Variants in MRPL50 observed in about 807,000 individuals in gnomAD.
The protein encoded by MRPL50 is mitochondrial ribosomal protein L50, also known as large ribosomal subunit protein mL50.
MRPL50 carries 10 observed loss-of-function variants against 16.2 expected under a neutral mutation model. The ratio of observed to expected loss-of-function variants is 0.62; its 90% confidence interval spans 0.38 to 1.05. The LOEUF is 1.05. MRPL50 is among the 50% of genes least tolerant of loss of function. MRPL50 has a pLI of 0.01. For missense variants in MRPL50, 213 were observed against 187.1 expected (o/e 1.14, Z -0.81); for synonymous variants, 68 against 66.8 (o/e 1.02, Z -0.09).
rs947519283 is a variant in MRPL50 at position 101,389,625 on chromosome 9, A to T, written c.*841T>A. 3 of 451,052 alleles carry T rather than the reference A, an allele frequency of 6.7e-6. No homozygotes were observed. Among genetic ancestry groups the T allele is most frequent in the Non-Finnish European group, 1.0e-5 (3 of 293,388 alleles). The allele number at this position is 451,052 out of a possible 1,614,324, so 27.9% of individuals were successfully genotyped here. ...CCAGCCATATCTAAAGCTTGAAAAAAAAATCCCAAATTTAACACCTTTGTC... is the reference window on the plus strand; with the variant it reads ...CCAGCCATATCTAAAGCTTGAAAAATAAATCCCAAATTTAACACCTTTGTC... On this transcript the variant is annotated 3_prime_UTR_variant, in exon 2 of 2. Transcript: ENST00000374865.
At chr9:101,397,067 A>G (rs1180890640) in intron 1 of MRPL50, among the ~76,000 whole-genome samples, 1 of 152,250 alleles carries the variant, frequency 6.6e-6, no homozygotes, top group East Asian at 1.9e-4. Context: ...AATAAGTTCC[A>G]GAGATCTAAT....
At chr9:101,395,313 G>A (rs911671754) in intron 1 of MRPL50, among the ~76,000 whole-genome samples, 1 of 152,130 alleles carries the variant, frequency 6.6e-6, no homozygotes, top group Admixed American at 6.6e-5. Flanking sequence ...GTACACTGTT[G>A]GTGGGAATGT....
chr9:101,397,585 T>G (rs1485206120), intron 1 of MRPL50, among the ~76,000 whole-genome samples: 1 of 152,174 alleles, frequency 6.6e-6, no homozygotes, highest in Non-Finnish European at 1.5e-5. Context: ...ACCTAAGATA[T>G]AGCCTGGCAT....
chr9:101,390,391 T>C lies in MRPL50; in HGVS notation c.*75A>G. 1 of 1,529,724 alleles carries C rather than the reference T, an allele frequency of 6.5e-7. No homozygotes were observed. The highest frequency in any genetic ancestry group is 1.4e-5 in the African/African-American group (1 of 72,128). The allele number at this position is 1,529,724 out of a possible 1,614,324, so 94.8% of individuals were successfully genotyped here. ...TCTGGTAGTATTTCACATGGTAAAG[T>C]ATCAAAAGATCTAATGAGCAGCCCC... is the stretch of plus-strand genomic sequence containing the variant. On this transcript the variant is annotated 3_prime_UTR_variant, in exon 2 of 2. Coordinates refer to ENST00000374865, the MANE Select transcript of MRPL50 (RefSeq NM_019051.3).
Position 101,387,803 on chromosome 9 carries a change from A to T in MRPL50, c.*2663T>A, listed in dbSNP as rs1347003711. The T allele has an allele frequency of 1.3e-5, 1 of 79,088 alleles. No homozygotes were observed. Among genetic ancestry groups the T allele is most frequent in the East Asian group, 4.9e-4 (1 of 2,040 alleles). 4.9% of individuals were successfully genotyped at this position (79,088 alleles called of 1,614,324 possible). A position where few individuals can be genotyped will look rare whatever the true frequency, so the allele number is the denominator to read the frequency against. The stretch of plus-strand genomic sequence containing the variant: ...TAGTTAACTGATACCCTTTTTATGT[A>T]GCAATCATTAAATTTTTAAAAATGT... On this transcript the variant is annotated 3_prime_UTR_variant, in exon 2 of 2. Coordinates refer to ENST00000374865, the MANE Select transcript of MRPL50 (RefSeq NM_019051.3).
intron 1 of MRPL50, among the ~76,000 whole-genome samples, chr9:101,393,704 C>T (rs183311065): frequency 1.3e-5 from 2 of 151,262 alleles, no homozygotes; most frequent in South Asian, 2.1e-4. Context: ...GCCACACACA[C>T]AAAAAATCTA....
intron 1 of MRPL50, among the ~76,000 whole-genome samples, chr9:101,394,597 G>A (rs188888573): frequency 8.1e-4 from 123 of 152,254 alleles, no homozygotes; most frequent in Non-Finnish European, 1.4e-3. Flanking sequence ...CTGACTCTGC[G>A]TGAATTACTC....
chr9:101,397,819 A>G (rs1830379168), intron 1 of MRPL50, among the ~76,000 whole-genome samples: 1 of 152,222 alleles, frequency 6.6e-6, no homozygotes. Context: ...AACACTATCT[A>G]AGTCAAATTA....
intron 1 of MRPL50, among the ~76,000 whole-genome samples, chr9:101,397,184 G>C (rs1312449099): frequency 1.3e-5 from 2 of 152,086 alleles, no homozygotes; most frequent in Non-Finnish European, 2.9e-5. Flanking sequence ...TAACTGGCCA[G>C]GTGTGGTGGC....
intron 1 of MRPL50, among the ~76,000 whole-genome samples, chr9:101,396,700 T>C (rs1352042982): frequency 2.0e-5 from 3 of 152,056 alleles, no homozygotes; most frequent in South Asian, 2.1e-4. Flanking sequence ...TCCCAGCACT[T>C]TGGGAGGCTG....
chr9:101,390,806 T>C lies in MRPL50; in HGVS notation c.137A>G (p.Lys46Arg). The C allele has an allele frequency of 6.2e-7, 1 of 1,610,604 alleles. No individual in the cohort carries two copies. Among genetic ancestry groups the C allele is most frequent in the East Asian group, 2.2e-5 (1 of 44,854 alleles). The change falls in exon 2 of 2, where the codon AAG becomes AGG. Residue 46 changes from lysine to arginine, a missense_variant. Physicochemically the swap from Lys to Arg is conservative, Grantham distance 26. Transcript: ENST00000374865. ...AGGTGGACACACTAGGATAGGTTCC[T>C]TTTTCTCTTCTACTGTCTCAACAAC... Reference protein sequence around the residue: ...PVVVETVEEKKEPILVCPPLR... With the variant: ...PVVVETVEEKREPILVCPPLR...
intron 1 of MRPL50, among the ~76,000 whole-genome samples, chr9:101,396,028 G>C (rs1830335157): frequency 6.6e-6 from 1 of 152,040 alleles, no homozygotes; most frequent in African/African-American, 2.4e-5. Flanking sequence ...TTGTATGCTT[G>C]CATCAAAATA....
intron 1 of MRPL50, 78 bp from the exon 2 acceptor site, chr9:101,390,928 A>G: frequency 1.4e-6 from 2 of 1,449,386 alleles, no homozygotes; most frequent in Non-Finnish European, 1.9e-6. Context: ...CTACCAATCA[A>G]AATCAACAAT....
rs201150236 is a variant in MRPL50, at chr9:101,390,459, G to A, written c.*7C>T. The stretch of plus-strand genomic sequence containing the variant: ...AGTGATTTCAATGTGTTTCTCTTCC[G>A]AATTGCTTAGTAACTCCAAGTGATT... On this transcript the variant is annotated 3_prime_UTR_variant, in exon 2 of 2. Transcript: ENST00000374865. 3.9e-5 allele frequency: 63 copies of A among 1,604,828 alleles called. No individual in the cohort carries two copies. The highest frequency in any genetic ancestry group is 1.2e-4 in the African/African-American group (9 of 74,766).
At chr9:101,392,113 A>G (rs577296958) in intron 1 of MRPL50, among the ~76,000 whole-genome samples, 27 of 152,212 alleles carry the variant, frequency 1.8e-4, no homozygotes, top group Middle Eastern at 3.4e-3. Flanking sequence ...AACGTCTTGA[A>G]GCAATAAAAA....
In MRPL50 at chr9:101,390,967, G is replaced by T. The variant is rs538647523; in HGVS notation, c.93-117C>A. ...ATGCTGATTACCACTGGGGACTACT[G>T]AGAGTAGGAAAGAATATGGTAGGCC... On this transcript the variant is annotated intron_variant, in intron 1 of 1. Coordinates refer to ENST00000374865, the MANE Select transcript of MRPL50 (RefSeq NM_019051.3). 1.8e-4 allele frequency: 209 copies of T among 1,152,498 alleles called. No homozygotes were observed. The African/African-American group carries it at 3.1e-3, about 17-fold the overall frequency. 71.4% of individuals were successfully genotyped at this position (1,152,498 alleles called of 1,614,324 possible). A position where few individuals can be genotyped will look rare whatever the true frequency, so the allele number is the denominator to read the frequency against.
In MRPL50 at chr9:101,390,226, T is replaced by C. The variant is rs929979583; in HGVS notation, c.*240A>G. On this transcript the variant is annotated 3_prime_UTR_variant, in exon 2 of 2. Transcript: ENST00000374865. The stretch of plus-strand genomic sequence containing the variant: ...GTTGACAGTGCCCTCTCAAAACTTT[T>C]CATAAATAATGACCTAATTTCATTT... 1 of 1,210,184 alleles carries C rather than the reference T, an allele frequency of 8.3e-7. No homozygotes were observed. Among genetic ancestry groups the C allele is most frequent in the Non-Finnish European group, 1.0e-6 (1 of 971,366 alleles). 75.0% of individuals were successfully genotyped at this position (1,210,184 alleles called of 1,614,324 possible).
intron 1 of MRPL50, among the ~76,000 whole-genome samples, chr9:101,391,919 T>C (rs1483321744): frequency 3.3e-5 from 5 of 152,078 alleles, no homozygotes; most frequent in African/African-American, 7.2e-5. Flanking sequence ...GACTGTATCA[T>C]AGAACACAAA....
intron 1 of MRPL50, 110 bp from the exon 2 acceptor site, chr9:101,390,960 G>C (rs2118129373): frequency 3.3e-6 from 4 of 1,200,676 alleles, no homozygotes; most frequent in Non-Finnish European, 3.5e-6. Context: ...TACCACTGGG[G>C]ACTACTGAGA....
Sources: allele counts gnomAD v4.1 joint callset (sites outside exome capture counted in the v4.1 genomes callset), GRCh38; gene constraint gnomAD v4.1.1; transcripts MANE v1.5; gene names NCBI Gene and HGNC (gene_info 2026-07-23, HGNC 2026-07-21).